Variants in ELOVL6 observed in about 807,000 individuals in gnomAD.
ELOVL6 encodes very long chain fatty acid elongase 6.
A neutral mutation model predicts 31.7 loss-of-function variants in ELOVL6; 8 were observed. That is an observed-to-expected ratio of 0.25 (90% CI 0.15 to 0.45). ELOVL6 has a LOEUF of 0.45. ELOVL6 is among the 20% of genes least tolerant of loss of function. The probability of loss-of-function intolerance (pLI) is 1.00; values close to 1 mark genes in which losing one functional copy is unlikely to be tolerated. For synonymous variants in ELOVL6, 101 were observed against 117.7 expected (o/e 0.86, Z 0.92); for missense variants, 126 against 326.4 (o/e 0.39, Z 4.73).
At chr4:110,105,345 G>T in intron 2 of ELOVL6, 152 bp downstream of exon 2, 1 of 777,282 alleles carries the variant, frequency 1.3e-6, no homozygotes, top group South Asian at 1.8e-5. Context: ...TGGTGGCAGT[G>T]AAGGCTTTCT....
intron 2 of ELOVL6, among the ~76,000 whole-genome samples, chr4:110,086,209 A>G (rs1756259892): frequency 6.6e-6 from 1 of 152,190 alleles, no homozygotes; most frequent in Admixed American, 6.5e-5. Flanking sequence ...TGTAAGCAGC[A>G]TGGCATTTTA....
At chr4:110,062,288 T>C (rs1296449837) in intron 2 of ELOVL6, among the ~76,000 whole-genome samples, 1 of 152,202 alleles carries the variant, frequency 6.6e-6, no homozygotes. Context: ...ATGTGCCTCA[T>C]TCCCTAAGCT....
chr4:110,083,976 TATGCCATATACGATATA>T lies in ELOVL6; in HGVS notation c.221+21504_221+21520del, dbSNP rs1755988755. Among the ~76,000 whole-genome samples, 7 of 93,194 alleles carry T rather than the reference TATGCCATATACGATATA, an allele frequency of 7.5e-5. 1 individual carries two copies. Among genetic ancestry groups the T allele is most frequent in the Non-Finnish European group, 1.2e-4 (5 of 40,096 alleles). The allele number at this position is 93,194 out of a possible 152,430, so 61.1% of individuals were successfully genotyped here. ...TATATATGATATATATGATATAACA[TATGCCATATACGATATA>T]TAACATATGCCATATATGGTATATA... On this transcript the variant is annotated intron_variant, in intron 2 of 3. Transcript: ENST00000302274.
chr4:110,147,652 A>G (rs968927241), intron 1 of ELOVL6, among the ~76,000 whole-genome samples: 29 of 151,682 alleles, frequency 1.9e-4, no homozygotes, highest in African/African-American at 6.8e-4. Context: ...TCAACTGGGT[A>G]TGGTGGTGTG....
chr4:110,191,832 T>C (rs1485510102), intron 1 of ELOVL6, among the ~76,000 whole-genome samples: 1 of 151,714 alleles, frequency 6.6e-6, no homozygotes, highest in East Asian at 2.0e-4. Context: ...AGATGGTTAT[T>C]GTATATCCCC....
At chr4:110,184,249 A>C (rs1759377441) in intron 1 of ELOVL6, among the ~76,000 whole-genome samples, 1 of 152,230 alleles carries the variant, frequency 6.6e-6, no homozygotes, top group Non-Finnish European at 1.5e-5. Flanking sequence ...GATACATTTA[A>C]AAGTTAATGA....
intron 1 of ELOVL6, among the ~76,000 whole-genome samples, chr4:110,145,367 G>T: frequency 6.6e-6 from 1 of 152,102 alleles, no homozygotes. Context: ...CAGGCAGAAG[G>T]GATCCTGCCC....
intron 1 of ELOVL6, among the ~76,000 whole-genome samples, chr4:110,128,661 C>T (rs1378190636): frequency 1.3e-5 from 2 of 152,362 alleles, no homozygotes; most frequent in Middle Eastern, 3.4e-3. Context: ...CGAGTGCCTT[C>T]TGCAAACAGT....
intron 1 of ELOVL6, among the ~76,000 whole-genome samples, chr4:110,108,645 T>C (rs541586471): frequency 3.9e-5 from 6 of 152,276 alleles, no homozygotes; most frequent in African/African-American, 1.4e-4. Context: ...CCGATGACAA[T>C]AGTCACTCAC....
intron 2 of ELOVL6, among the ~76,000 whole-genome samples, chr4:110,084,001 T>TGTTATATATGATATATA (rs1560813428): frequency 3.4e-5 from 2 of 59,010 alleles, no homozygotes; most frequent in African/African-American, 1.8e-4. Flanking sequence ...ATATAACATA[T>TGTTATATATGATATATA]GCCATATATG....
rs201675406 is a variant in ELOVL6, at chr4:110,124,709, T to TA, written c.90-19082dup. Among the ~76,000 whole-genome samples the TA allele has an allele frequency of 1.8e-3, 250 of 141,794 alleles. 2 individuals carry two copies. The highest frequency in any genetic ancestry group is 1.8e-3 in the South Asian group (8 of 4,462). 93.0% of individuals were successfully genotyped at this position (141,794 alleles called of 152,430 possible). On this transcript the variant is annotated intron_variant, in intron 1 of 3. Coordinates refer to ENST00000302274, the MANE Select transcript of ELOVL6 (RefSeq NM_024090.3). ...CATTCTGCACATGTATCCTGGAACT[T>TA]AAAAAAAAAAAAAAGAATGTGTTTA...
chr4:110,189,883 T>C (rs957228485), intron 1 of ELOVL6, among the ~76,000 whole-genome samples: 2 of 150,552 alleles, frequency 1.3e-5, no homozygotes, highest in Non-Finnish European at 3.0e-5. Context: ...AGGAGAATGG[T>C]GTGAACCCGG....
intron 2 of ELOVL6, among the ~76,000 whole-genome samples, chr4:110,084,246 A>ACT (rs1756089724): frequency 1.5e-5 from 2 of 135,326 alleles, no homozygotes; most frequent in African/African-American, 5.4e-5. Context: ...CATATATGAT[A>ACT]TATATAACAT....
intron 1 of ELOVL6, among the ~76,000 whole-genome samples, chr4:110,186,132 G>A (rs1212313922): frequency 6.6e-6 from 1 of 152,154 alleles, no homozygotes; most frequent in African/African-American, 2.4e-5. Context: ...GGAGGTTGCA[G>A]TGGGCCAAAA....
At chr4:110,183,440 CT>C (rs1759349679) in intron 1 of ELOVL6, among the ~76,000 whole-genome samples, 1 of 152,174 alleles carries the variant, frequency 6.6e-6, no homozygotes, top group African/African-American at 2.4e-5. Context: ...TAAAACCAAG[CT>C]ATAAACCAGC....
intron 2 of ELOVL6, among the ~76,000 whole-genome samples, chr4:110,084,302 A>G (rs1435304479): frequency 1.8e-5 from 2 of 111,772 alleles, no homozygotes; most frequent in African/African-American, 3.3e-5. Flanking sequence ...TATATGATAT[A>G]TAACATATAA....
intron 1 of ELOVL6, among the ~76,000 whole-genome samples, chr4:110,134,574 C>T (rs929619179): frequency 5.9e-5 from 9 of 152,230 alleles, no homozygotes; most frequent in Non-Finnish European, 1.2e-4. Flanking sequence ...GGAAATAAAA[C>T]ATTACAGAAT....
At chr4:110,089,019 G>C (rs1303769011) in intron 2 of ELOVL6, among the ~76,000 whole-genome samples, 1 of 152,134 alleles carries the variant, frequency 6.6e-6, no homozygotes, top group Non-Finnish European at 1.5e-5. Flanking sequence ...AAGTGAGCTA[G>C]ATCTTTTGCA....
chr4:110,082,409 C>T (rs1454614882), intron 2 of ELOVL6, among the ~76,000 whole-genome samples: 5 of 151,660 alleles, frequency 3.3e-5, no homozygotes, highest in African/African-American at 9.7e-5. Context: ...GAATACTATG[C>T]AGCCATAAAA....
Sources: allele counts gnomAD v4.1 joint callset (sites outside exome capture counted in the v4.1 genomes callset), GRCh38; gene constraint gnomAD v4.1.1; transcripts MANE v1.5; gene names NCBI Gene and HGNC (gene_info 2026-07-23, HGNC 2026-07-21).